The following PLCE1 variants were observed in gnomAD, a reference collection of about 807,000 sequenced individuals.
PLCE1 encodes 1-phosphatidylinositol 4,5-bisphosphate phosphodiesterase epsilon-1.
Under a neutral mutation model 242.8 loss-of-function variants are expected in PLCE1, and 119 were observed. That is an observed-to-expected ratio of 0.49 (90% CI 0.42 to 0.57). The LOEUF (loss-of-function observed/expected upper bound fraction) is 0.57. Among genes scored for constraint, PLCE1 ranks in the 20% least tolerant of loss-of-function variants. The pLI, the probability that PLCE1 is intolerant of heterozygous loss-of-function variation, is 0.00. For missense variants in PLCE1, 2,441 were observed against 2,788.8 expected (o/e 0.88, Z 2.81); for synonymous variants, 945 against 1,017.4 (o/e 0.93, Z 1.35).
intron 4 of PLCE1, among the ~76,000 whole-genome samples, chr10:94,177,163 CATA>C (rs1162991009): frequency 6.6e-6 from 1 of 152,158 alleles, no homozygotes; most frequent in Non-Finnish European, 1.5e-5. Flanking sequence ...GGCAGTTTTG[CATA>C]ATGTTTATTC....
At chr10:94,293,984 G>A (rs2052723888) in intron 23 of PLCE1, among the ~76,000 whole-genome samples, 2 of 152,054 alleles carry the variant, frequency 1.3e-5, no homozygotes, top group African/African-American at 4.8e-5. Flanking sequence ...GTGCACACCT[G>A]TAATCCCAGC....
At chr10:94,088,950 C>T in intron 2 of PLCE1, 1 of 781,644 alleles carries the variant, frequency 1.3e-6, no homozygotes, top group Non-Finnish European at 1.9e-6. Flanking sequence ...TTTTGCAATG[C>T]CCTGACTCTG....
At position 94,270,360 on chromosome 10, in the gene PLCE1, A is replaced by G; in HGVS notation, c.4390-126A>G. 3 of 770,490 alleles carry G rather than the reference A, an allele frequency of 3.9e-6. No individual in the cohort carries two copies. In the South Asian group the frequency reaches 4.1e-5, roughly 11 times the overall value. The allele number at this position is 770,490 out of a possible 1,614,324, so 47.7% of individuals were successfully genotyped here. A position where few individuals can be genotyped will look rare whatever the true frequency, so the allele number is the denominator to read the frequency against. On this transcript the variant is annotated intron_variant, in intron 17 of 32. Transcript: ENST00000371380. ...TCCTCATGCTTCATTTGAAAATACGAAAACCATCTTTGGCCAGAGTCTGCT... is the reference window on the plus strand; with the variant it reads ...TCCTCATGCTTCATTTGAAAATACGGAAACCATCTTTGGCCAGAGTCTGCT...
rs559998099 is a variant in PLCE1, at chr10:94,246,629, G to T, written c.3096+8G>T. The T allele has an allele frequency of 1.2e-6, 2 of 1,612,170 alleles. No individual in the cohort carries two copies. Among genetic ancestry groups the T allele is most frequent in the East Asian group, 4.5e-5 (2 of 44,834 alleles). On this transcript the variant is annotated splice_region_variant and intron_variant, in intron 8 of 32. Transcript: ENST00000371380. ...TACGTCAGCCTTTATCAGGTAAGGG[G>T]TGCAGCCATCCCTCTTTCCTCACTG... is the stretch of plus-strand genomic sequence containing the variant.
intron 3 of PLCE1, among the ~76,000 whole-genome samples, chr10:94,164,716 A>C (rs1298819462): frequency 6.6e-6 from 1 of 152,086 alleles, no homozygotes; most frequent in African/African-American, 2.4e-5. Context: ...GGCACTCTGA[A>C]TTTTAGAATT....
Position 94,324,912 on chromosome 10 carries a change from G to C in PLCE1, c.6741G>C (p.Lys2247Asn). Residue 2247 changes from lysine to asparagine, a missense_variant, in exon 32 of 33, where the codon AAG becomes AAC. Physicochemically the swap from Lys to Asn is moderately conservative, Grantham distance 94. Transcript: ENST00000371380. Reference sequence around the variant, plus strand: ...CACAGGCATCTCGAGAAGATAAAAAGAAAGGCATTTCTTTCGCAAGTGAAC... The same window carrying C: ...CACAGGCATCTCGAGAAGATAAAAACAAAGGCATTTCTTTCGCAAGTGAAC... The part of the protein sequence containing the change: ...EQVQASREDK[K>N]KGISFASELK... 6.2e-7 allele frequency: 1 copy of C among 1,614,132 alleles called. No individual in the cohort carries two copies. Among genetic ancestry groups the C allele is most frequent in the Non-Finnish European group, 8.5e-7 (1 of 1,180,016 alleles).
chr10:94,080,924 A>G (rs1352652761), intron 2 of PLCE1, among the ~76,000 whole-genome samples: 1 of 152,234 alleles, frequency 6.6e-6, no homozygotes, highest in African/African-American at 2.4e-5. Flanking sequence ...TTACAGAAAC[A>G]GTTGAAGCTC....
At chr10:94,083,701 C>T (rs943763281) in intron 2 of PLCE1, among the ~76,000 whole-genome samples, 2 of 152,162 alleles carry the variant, frequency 1.3e-5, no homozygotes, top group Non-Finnish European at 2.9e-5. Flanking sequence ...GCTCAGTATG[C>T]CACAATTAAA....
At chr10:94,327,918 T>A in intron 32 of PLCE1, 50 bp from the exon 33 acceptor site, 1 of 513,214 alleles carries the variant, frequency 1.9e-6, no homozygotes, top group Non-Finnish European at 4.0e-6. Context: ...CAAGTGTTTC[T>A]GTTTCTTCAT....
intron 7 of PLCE1, among the ~76,000 whole-genome samples, chr10:94,245,399 A>G (rs898136043): frequency 1.3e-5 from 2 of 152,256 alleles, no homozygotes; most frequent in Non-Finnish European, 2.9e-5. Context: ...TAAAAATACA[A>G]TAACTCATCT....
rs1358590356 is a variant in PLCE1 at position 94,329,502 on chromosome 10, GGC to G, written c.*1560_*1561del. The G allele has an allele frequency of 1.3e-5, 2 of 152,082 alleles. No homozygotes were observed. Among genetic ancestry groups the G allele is most frequent in the Non-Finnish European group, 2.9e-5 (2 of 68,032 alleles). 9.4% of individuals were successfully genotyped at this position (152,082 alleles called of 1,614,324 possible). ...AGAAGTGTTAAAAATACACCACACA[GGC>G]TGGGCAGAGTGGCTCACGCCTGTAA... On this transcript the variant is annotated 3_prime_UTR_variant, in exon 33 of 33. Transcript: ENST00000371380.
At chr10:94,257,918 A>T (rs2051160474) in intron 11 of PLCE1, among the ~76,000 whole-genome samples, 1 of 152,236 alleles carries the variant, frequency 6.6e-6, no homozygotes, top group African/African-American at 2.4e-5. Flanking sequence ...CTTAAAGTAT[A>T]ATTTAAAAAA....
At chr10:94,054,727 T>C (rs993715114) in intron 2 of PLCE1, among the ~76,000 whole-genome samples, 12 of 152,206 alleles carry the variant, frequency 7.9e-5, no homozygotes, top group Non-Finnish European at 1.6e-4. Flanking sequence ...AAATGCCGTG[T>C]TCAGGCCGAG....
At chr10:94,157,214 A>C (rs767737755) in intron 3 of PLCE1, among the ~76,000 whole-genome samples, 26 of 152,208 alleles carry the variant, frequency 1.7e-4, no homozygotes, top group African/African-American at 6.3e-4. Flanking sequence ...AATGGTTGGA[A>C]ATATGACTGA....
chr10:94,020,770 C>T (rs1169731804), intron 1 of PLCE1, among the ~76,000 whole-genome samples: 1 of 151,740 alleles, frequency 6.6e-6, no homozygotes, highest in Non-Finnish European at 1.5e-5. Context: ...GTCTTCTGCC[C>T]ATTTCTTAAA....
chr10:94,234,409 G>C, intron 6 of PLCE1, 97 bp downstream of exon 6: 2 of 1,268,018 alleles, frequency 1.6e-6, no homozygotes, highest in South Asian at 2.4e-5. Flanking sequence ...ATCACTGATT[G>C]AACACAGGGT....
intron 2 of PLCE1, among the ~76,000 whole-genome samples, chr10:94,130,277 G>C (rs746074828): frequency 2.6e-5 from 4 of 152,198 alleles, no homozygotes; most frequent in African/African-American, 7.2e-5. Context: ...ACACAGAAGA[G>C]CAAGGGCATA....
intron 2 of PLCE1, among the ~76,000 whole-genome samples, chr10:94,084,932 T>A (rs2044760682): frequency 6.6e-6 from 1 of 152,202 alleles, no homozygotes; most frequent in South Asian, 2.1e-4. Context: ...CAAATCCATT[T>A]GTGGCATTAA....
At chr10:94,228,112 G>A (rs549925760) in intron 5 of PLCE1, among the ~76,000 whole-genome samples, 47 of 152,364 alleles carry the variant, frequency 3.1e-4, no homozygotes, top group African/African-American at 1.1e-3. Flanking sequence ...CGGAGCCCAT[G>A]AGCTTGACCA....
Sources: allele counts gnomAD v4.1 joint callset (sites outside exome capture counted in the v4.1 genomes callset), GRCh38; gene constraint gnomAD v4.1.1; transcripts MANE v1.5; gene names NCBI Gene and HGNC (gene_info 2026-07-23, HGNC 2026-07-21).